PUM1: variants seen among roughly 807,000 people sequenced by gnomAD.
The protein encoded by PUM1 is pumilio homolog 1.
PUM1 carries 13 observed loss-of-function variants against 131.8 expected under a neutral mutation model. That is an observed-to-expected ratio of 0.10 (90% confidence interval 0.06 to 0.16). PUM1 has a LOEUF of 0.16. PUM1 is among the 10% of genes least tolerant of loss of function. PUM1 has a pLI of 1.00. For missense variants in PUM1, 961 were observed against 1,512.4 expected (o/e 0.64, Z 6.05); for synonymous variants, 509 against 556.5 (o/e 0.91, Z 1.20).
chr1:31,019,894 A>C (rs766123816), intron 3 of PUM1, among the ~76,000 whole-genome samples: 6 of 151,944 alleles, frequency 3.9e-5, no homozygotes, highest in African/African-American at 1.2e-4. Flanking sequence ...TTTACATATG[A>C]ATAAACTACA....
intron 2 of PUM1, among the ~76,000 whole-genome samples, chr1:31,033,828 T>G (rs1450987737): frequency 6.6e-6 from 1 of 152,090 alleles, no homozygotes; most frequent in Admixed American, 6.6e-5. Flanking sequence ...AATTTTTTTG[T>G]AGAGACAAGG....
At chr1:31,012,894 C>T (rs1363298444) in intron 3 of PUM1, among the ~76,000 whole-genome samples, 1 of 152,130 alleles carries the variant, frequency 6.6e-6, no homozygotes, top group Non-Finnish European at 1.5e-5. Flanking sequence ...TTATTTTAAA[C>T]TAGTTTTAAA....
intron 2 of PUM1, among the ~76,000 whole-genome samples, chr1:31,038,980 ATATATT>A (rs1315887264): frequency 3.4e-5 from 1 of 29,604 alleles, no homozygotes; most frequent in South Asian, 1.3e-3. Flanking sequence ...ATATATATAT[ATATATT>A]TTTTTTTTTT....
intron 5 of PUM1, among the ~76,000 whole-genome samples, chr1:31,004,343 T>C (rs1642324520): frequency 6.6e-6 from 1 of 152,158 alleles, no homozygotes; most frequent in African/African-American, 2.4e-5. Context: ...ATCACACACA[T>C]GACAGAGAAT....
At position 31,005,800 on chromosome 1, in the gene PUM1, AGAGAG is replaced by A. The variant is rs1642382386; in HGVS notation, c.720+48_720+52del. ...TGCTTTAGGGGAAAAAAAGAGAGAGAGAGAGAGAGAGAGAGAGAGAGAGATAGGAA... is the reference window on the plus strand; with the variant it reads ...TGCTTTAGGGGAAAAAAAGAGAGAGAAGAGAGAGAGAGAGAGAGATAGGAA... On this transcript the variant is annotated intron_variant, in intron 5 of 21. Coordinates refer to ENST00000426105, the MANE Select transcript of PUM1 (RefSeq NM_001020658.2). 4 of 835,174 alleles carry A rather than the reference AGAGAG, an allele frequency of 4.8e-6. No individual in the cohort carries two copies. In the African/African-American group the frequency reaches 2.0e-4, roughly 41 times the overall value. The allele number at this position is 835,174 out of a possible 1,614,324, so 51.7% of individuals were successfully genotyped here.
Position 31,059,309 on chromosome 1 carries a change from C to T in PUM1, c.258G>A (p.Gln86=). The change falls in exon 2 of 22, where the codon CAG becomes CAA. Residue 86 remains glutamine (Q), a synonymous_variant. Coordinates refer to ENST00000426105, the MANE Select transcript of PUM1 (RefSeq NM_001020658.2). ...QDDAMVDYFF[Q]RQHGEQLGGG... ...CCCCAAGCTGCTCACCATGCTGCCT[C>T]TGAAAGAAGTAGTCCACCATAGCGT... 2 of 1,614,214 alleles carry T rather than the reference C, an allele frequency of 1.2e-6. No individual in the cohort carries two copies. The highest frequency in any genetic ancestry group is 1.7e-6 in the Non-Finnish European group (2 of 1,180,042).
intron 21 of PUM1, 43 bp from the exon 22 acceptor site, chr1:30,933,385 A>C: frequency 1.3e-6 from 2 of 1,582,306 alleles, no homozygotes; most frequent in Non-Finnish European, 1.7e-6. Context: ...CTGAGATGAG[A>C]CTTGGGGGCA....
chr1:31,028,897 A>C (rs1418826444), intron 2 of PUM1, 33 bp from the exon 3 acceptor site: 1 of 1,561,822 alleles, frequency 6.4e-7, no homozygotes, highest in Non-Finnish European at 8.8e-7. Flanking sequence ...AAAAATCTTC[A>C]AGTCAGCATC....
rs768861857 is a variant in PUM1, at chr1:31,028,861, G to C, written c.367C>G (p.Arg123Gly). The change falls in exon 3 of 22, where the codon CGT (arginine) becomes GGT (glycine). Residue 123 changes from arginine to glycine, a missense_variant. Around this residue, in one of 4 missense-constraint regions of PUM1, gnomAD observed 654 missense variants for 923.9 expected, o/e 0.71. Coordinates refer to ENST00000426105, the MANE Select transcript of PUM1 (RefSeq NM_001020658.2). ...GDNIHAEHQV[R>G]SMDELNHDFQ... ...TCATGATTCAGTTCATCCATGGAACGCACCTATTGTTTAGAATAGAGAAGG... is the reference window on the plus strand; with the variant it reads ...TCATGATTCAGTTCATCCATGGAACCCACCTATTGTTTAGAATAGAGAAGG... 6.2e-7 allele frequency: 1 copy of C among 1,612,864 alleles called. No homozygotes were observed. Among genetic ancestry groups the C allele is most frequent in the Non-Finnish European group, 8.5e-7 (1 of 1,179,168 alleles).
At chr1:31,041,470 G>A (rs944339216) in intron 2 of PUM1, among the ~76,000 whole-genome samples, 1 of 152,114 alleles carries the variant, frequency 6.6e-6, no homozygotes, top group African/African-American at 2.4e-5. Flanking sequence ...TTGGATGTTT[G>A]TCCCCTCCAA....
At chr1:30,936,982 A>C in intron 20 of PUM1, 147 bp from the exon 21 acceptor site, 1 of 655,654 alleles carries the variant, frequency 1.5e-6, no homozygotes. Flanking sequence ...CAACTGTCTG[A>C]CTCTCTCAGT....
chr1:30,974,538 C>A lies in PUM1; in HGVS notation c.1506+113G>T, dbSNP rs1256480415. The A allele has an allele frequency of 3.7e-6, 4 of 1,072,032 alleles. No individual in the cohort carries two copies. In the Admixed American group the frequency reaches 1.1e-4, roughly 29 times the overall value. The allele number at this position is 1,072,032 out of a possible 1,614,324, so 66.4% of individuals were successfully genotyped here. A position where few individuals can be genotyped will look rare whatever the true frequency, so the allele number is the denominator to read the frequency against. On this transcript the variant is annotated intron_variant, in intron 10 of 21. Transcript: ENST00000426105. Reference sequence around the variant, plus strand: ...GAACTCAGACACACATATATACACACAAGAGGAAATTCATGCATTCACAGT... The same window carrying A: ...GAACTCAGACACACATATATACACAAAAGAGGAAATTCATGCATTCACAGT...
At chr1:31,001,341 G>A (rs574617086) in intron 5 of PUM1, among the ~76,000 whole-genome samples, 22 of 151,718 alleles carry the variant, frequency 1.5e-4, no homozygotes, top group South Asian at 4.2e-4. Context: ...TGCATTCCAG[G>A]TGACAGAAAG....
chr1:30,947,872 T>A (rs78460785), intron 17 of PUM1, among the ~76,000 whole-genome samples: 4 of 131,454 alleles, frequency 3.0e-5, no homozygotes, highest in Non-Finnish European at 3.2e-5. Flanking sequence ...AGGGAATAAA[T>A]TTTTTTTTTT....
chr1:31,006,002 G>T lies in PUM1; in HGVS notation c.571C>A (p.Gln191Lys). 4 of 1,607,246 alleles carry T rather than the reference G, an allele frequency of 2.5e-6. No homozygotes were observed. Among genetic ancestry groups the T allele is most frequent in the Non-Finnish European group, 3.4e-6 (4 of 1,177,816 alleles). ...TGGAAACTCTGACCAGGTCTTCTCT[G>T]CACCATGATTGGCTGGGAAACTGAA... ...DHSVSQPIMV[Q>K]RRPGQSFHVN... The change falls in exon 5 of 22, where the codon CAG becomes AAG. Residue 191 changes from glutamine to lysine, a missense_variant. This residue lies in a region of PUM1 where 654 missense variants were observed against 923.9 expected (regional missense o/e 0.71). Coordinates refer to ENST00000426105, the MANE Select transcript of PUM1 (RefSeq NM_001020658.2).
intron 3 of PUM1, among the ~76,000 whole-genome samples, chr1:31,008,311 C>T (rs1642468627): frequency 6.6e-6 from 1 of 151,972 alleles, no homozygotes; most frequent in African/African-American, 2.4e-5. Context: ...ATCTCATGGA[C>T]TTGGGTTACT....
At chr1:31,013,506 T>C (rs1307089305) in intron 3 of PUM1, among the ~76,000 whole-genome samples, 1 of 152,222 alleles carries the variant, frequency 6.6e-6, no homozygotes, top group Non-Finnish European at 1.5e-5. Flanking sequence ...GATCATGTTA[T>C]TATCTAGCAT....
chr1:30,954,887 A>AC (rs1640084377), intron 14 of PUM1, among the ~76,000 whole-genome samples: 1 of 151,692 alleles, frequency 6.6e-6, no homozygotes, highest in African/African-American at 2.4e-5. Flanking sequence ...ACAGAGAGAG[A>AC]CCCCATCTCT....
intron 19 of PUM1, 88 bp from the exon 20 acceptor site, chr1:30,941,360 C>T (rs2124388464): frequency 1.5e-6 from 2 of 1,358,796 alleles, no homozygotes; most frequent in African/African-American, 1.5e-5. Context: ...TAAAACCTGT[C>T]TTTCTTTTAC....
Sources: allele counts gnomAD v4.1 joint callset (sites outside exome capture counted in the v4.1 genomes callset), GRCh38; gene constraint gnomAD v4.1.1; regional missense constraint gnomAD v4.1.1; transcripts MANE v1.5; gene names NCBI Gene and HGNC (gene_info 2026-07-23, HGNC 2026-07-21).